The following IQSEC1 variants were observed in gnomAD, a reference collection of about 807,000 sequenced individuals.
The protein encoded by IQSEC1 is IQ motif and Sec7 domain ArfGEF 1.
A neutral mutation model predicts 91.0 loss-of-function variants in IQSEC1; 31 were observed. That is an observed-to-expected ratio of 0.34 (90% CI 0.26 to 0.46). IQSEC1 has a LOEUF of 0.46. IQSEC1 is among the 20% of genes least tolerant of loss of function. IQSEC1 has a pLI of 1.00. For missense variants in IQSEC1, 1,388 were observed against 1,575.6 expected (o/e 0.88, Z 2.02); for synonymous variants, 699 against 662.6 (o/e 1.05, Z -0.84).
chr3:13,187,249 G>A (rs1468115110), intron 1 of IQSEC1, among the ~76,000 whole-genome samples: 2 of 152,172 alleles, frequency 1.3e-5, no homozygotes, highest in Non-Finnish European at 2.9e-5. Flanking sequence ...TAGCTGGATA[G>A]ACAGTCTTGT....
intron 2 of IQSEC1, among the ~76,000 whole-genome samples, chr3:13,093,635 G>A (rs1162853122): frequency 6.6e-6 from 1 of 152,166 alleles, no homozygotes; most frequent in African/African-American, 2.4e-5. Flanking sequence ...CCAGCACATG[G>A]GGTGTGTGGC....
intron 1 of IQSEC1, among the ~76,000 whole-genome samples, chr3:13,274,230 C>T (rs1695636974): frequency 6.6e-6 from 1 of 152,228 alleles, no homozygotes; most frequent in Non-Finnish European, 1.5e-5. Context: ...TGTCCCCCAA[C>T]ACCACCAGAC....
chr3:12,952,210 C>T (rs1328753556), intron 1 of IQSEC1, among the ~76,000 whole-genome samples: 3 of 152,174 alleles, frequency 2.0e-5, no homozygotes, highest in Admixed American at 2.0e-4. Context: ...ACCGGACATC[C>T]CGCTGTCCAG....
At chr3:12,939,385 G>A (rs1328687410) in intron 2 of IQSEC1, among the ~76,000 whole-genome samples, 1 of 152,244 alleles carries the variant, frequency 6.6e-6, no homozygotes, top group Admixed American at 6.5e-5. Context: ...ACCCACTCAA[G>A]TTTCCTGCTT....
intron 1 of IQSEC1, among the ~76,000 whole-genome samples, chr3:13,224,075 A>G (rs552975867): frequency 3.3e-4 from 50 of 152,106 alleles, no homozygotes; most frequent in Non-Finnish European, 6.0e-4. Context: ...AAATGGAAGC[A>G]ATGAGGAGGC....
intron 1 of IQSEC1, among the ~76,000 whole-genome samples, chr3:13,180,240 T>G (rs867462683): frequency 9.0e-4 from 131 of 145,262 alleles, no homozygotes; most frequent in South Asian, 2.7e-3. Context: ...ATACACCAAT[T>G]GGCACTCTGT....
At chr3:13,263,235 C>G (rs549383029) in intron 1 of IQSEC1, among the ~76,000 whole-genome samples, 8 of 147,564 alleles carry the variant, frequency 5.4e-5, no homozygotes, top group Non-Finnish European at 8.9e-5. Context: ...GGTGATAGAT[C>G]GAGACCCTGT....
chr3:13,015,536 G>C (rs1703083442), intron 1 of IQSEC1: 2 of 984,968 alleles, frequency 2.0e-6, no homozygotes. Context: ...GTTTCTCAGG[G>C]CTGCTGAGGT....
At chr3:13,019,485 C>T (rs1469295447) in intron 1 of IQSEC1, among the ~76,000 whole-genome samples, 1 of 152,260 alleles carries the variant, frequency 6.6e-6, no homozygotes, top group East Asian at 1.9e-4. Context: ...GGCAGCTCCG[C>T]CTTGGGCCAC....
At chr3:13,080,088 G>A (rs908218249) in intron 2 of IQSEC1, among the ~76,000 whole-genome samples, 2 of 152,224 alleles carry the variant, frequency 1.3e-5, no homozygotes, top group Non-Finnish European at 2.9e-5. Context: ...AAAGTCATGA[G>A]ACAACCTGCC....
chr3:12,976,501 A>T (rs1180416103), intron 1 of IQSEC1, among the ~76,000 whole-genome samples: 1 of 152,222 alleles, frequency 6.6e-6, no homozygotes, highest in Non-Finnish European at 1.5e-5. Flanking sequence ...GCAGCTTCCA[A>T]GCCCCACCCT....
At position 13,084,749 on chromosome 3, in the gene IQSEC1, G is replaced by A. The variant is rs577635950; in HGVS notation, c.303-37227C>T. Among the ~76,000 whole-genome samples, 41 of 152,320 alleles carry A rather than the reference G, an allele frequency of 2.7e-4. No homozygotes were observed. In the South Asian group the frequency reaches 6.6e-3, roughly 25 times the overall value. ...CACCAGAAGTCACTGGTACAAAGCG[G>A]TTTCCCAGGATCATTGGCCGTAGTA... On this transcript the variant is annotated intron_variant, in intron 2 of 15. Coordinates refer to the IQSEC1 transcript ENST00000648114.
chr3:13,282,008 CCCGGCTGGCGGGCTGCGAG>C lies in IQSEC1; in HGVS notation c.272+684_272+702del, dbSNP rs1310172464. 6.6e-6 allele frequency among the ~76,000 whole-genome samples: 1 copy of C among 152,216 alleles called. No individual in the cohort carries two copies. The highest frequency in any genetic ancestry group is 6.5e-5 in the Admixed American group (1 of 15,292). On this transcript the variant is annotated intron_variant, in intron 1 of 15. Coordinates refer to the IQSEC1 transcript ENST00000648114. This position sits in a 1 kb window ranked among gnomAD's most constrained non-coding sequence, Gnocchi z 6.4. ...GACACTCATGGGAGGCAAACGGGAA[CCCGGCTGGCGGGCTGCGAG>C]CCGGTAGGGACGCTGGGGTCCAGGG...
chr3:13,112,452 T>G (rs1272842111), intron 2 of IQSEC1, among the ~76,000 whole-genome samples: 1 of 152,150 alleles, frequency 6.6e-6, no homozygotes, highest in Non-Finnish European at 1.5e-5. Flanking sequence ...TGGCGCTCAC[T>G]CTCAGTGAGA....
intron 1 of IQSEC1, among the ~76,000 whole-genome samples, chr3:12,978,507 G>A (rs996496318): frequency 2.0e-5 from 3 of 151,996 alleles, no homozygotes; most frequent in Admixed American, 1.3e-4. Context: ...GACCAGCCTG[G>A]CCAATACGGT....
At chr3:13,254,392 T>C (rs375440096) in intron 1 of IQSEC1, among the ~76,000 whole-genome samples, 15 of 152,328 alleles carry the variant, frequency 9.8e-5, no homozygotes, top group African/African-American at 3.6e-4. Flanking sequence ...TCAGTCCCCA[T>C]GTCCAGCCCT....
chr3:13,053,306 A>G (rs360891), intron 1 of IQSEC1, among the ~76,000 whole-genome samples: 112,079 of 152,180 alleles, frequency 0.74, 41,791 homozygotes, highest in South Asian at 0.87. Flanking sequence ...GAAGCTCCCA[A>G]ACCTAATGCA....
chr3:12,902,130 A>G (rs534774725), intron 13 of IQSEC1, among the ~76,000 whole-genome samples: 2 of 152,148 alleles, frequency 1.3e-5, no homozygotes, highest in Non-Finnish European at 2.9e-5. Flanking sequence ...AGGAAAAAGA[A>G]GGTAACAGAA....
At chr3:13,157,383 A>G (rs940744958) in intron 2 of IQSEC1, among the ~76,000 whole-genome samples, 1 of 152,160 alleles carries the variant, frequency 6.6e-6, no homozygotes, top group Non-Finnish European at 1.5e-5. Flanking sequence ...TGGCTCCTAT[A>G]AGATCTTTCT....
Sources: allele counts gnomAD v4.1 joint callset (sites outside exome capture counted in the v4.1 genomes callset), GRCh38; gene constraint gnomAD v4.1.1; non-coding constraint Gnocchi (gnomAD v3.1); transcripts MANE v1.5; gene names NCBI Gene and HGNC (gene_info 2026-07-23, HGNC 2026-07-21).